Variants in IRF2 observed in about 807,000 individuals in gnomAD.
IRF2 encodes the protein interferon regulatory factor 2.
In IRF2, 15 loss-of-function variants were observed where a neutral mutation model predicts 40.6. The observed-to-expected ratio is 0.37, with a 90% CI of 0.25 to 0.57. The LOEUF is 0.57. Among genes scored for constraint, IRF2 ranks in the 20% least tolerant of loss-of-function variants. The pLI, the probability that IRF2 is intolerant of heterozygous loss-of-function variation, is 0.77. For synonymous variants in IRF2, 151 were observed against 165.5 expected, an observed-to-expected ratio of 0.91 and a Z score of 0.67; for missense variants, 317 against 455.7, an observed-to-expected ratio of 0.70 and a Z score of 2.77.
At chr4:184,449,336 T>A (rs1002071242) in intron 1 of IRF2, among the ~76,000 whole-genome samples, 1 of 152,234 alleles carries the variant, frequency 6.6e-6, no homozygotes, top group Non-Finnish European at 1.5e-5. Flanking sequence ...TACTCATTTT[T>A]CAGATTTGGC....
At chr4:184,393,986 G>A (rs141788661) in intron 7 of IRF2, among the ~76,000 whole-genome samples, 4 of 152,316 alleles carry the variant, frequency 2.6e-5, no homozygotes, top group African/African-American at 4.8e-5. Flanking sequence ...TGTTACTATC[G>A]AACTATCAAC....
At position 184,428,723 on chromosome 4, in the gene IRF2, C is replaced by T. The variant is rs747747486; in HGVS notation, c.87+255G>A. 113 of 527,862 alleles carry T rather than the reference C, an allele frequency of 2.1e-4. 3 individuals are homozygous for T. The highest frequency in any genetic ancestry group is 1.7e-3 in the South Asian group (107 of 63,494). 32.7% of individuals were successfully genotyped at this position (527,862 alleles called of 1,614,324 possible). ...CTGAGGTGGGAGGATCACTTGAACC[C>T]AAGAGGTCGAGGCTGCAGTGAGTTA... On this transcript the variant is annotated intron_variant, in intron 2 of 8. Transcript: ENST00000393593.
chr4:184,460,705 GCA>G (rs1296842334), intron 1 of IRF2, among the ~76,000 whole-genome samples: 6 of 148,876 alleles, frequency 4.0e-5, no homozygotes, highest in East Asian at 4.0e-4. Context: ...ACATGCACAC[GCA>G]CACACACACA....
chr4:184,420,706 T>C (rs1737452888), intron 2 of IRF2, among the ~76,000 whole-genome samples: 1 of 152,212 alleles, frequency 6.6e-6, no homozygotes. Flanking sequence ...CGGCAGGTAC[T>C]AAGGTCCCAT....
chr4:184,396,108 T>C (rs1215996023), intron 7 of IRF2, among the ~76,000 whole-genome samples: 1 of 152,222 alleles, frequency 6.6e-6, no homozygotes, highest in Non-Finnish European at 1.5e-5. Context: ...AAGAAAGTCA[T>C]GGGTTTTTAG....
At chr4:184,428,232 T>A (rs908013832) in intron 2 of IRF2, among the ~76,000 whole-genome samples, 4 of 152,162 alleles carry the variant, frequency 2.6e-5, no homozygotes, top group African/African-American at 4.8e-5. Context: ...AGGCTTTTTT[T>A]AAAGACAAAA....
At chr4:184,395,269 C>T (rs896704778) in intron 7 of IRF2, among the ~76,000 whole-genome samples, 11 of 152,042 alleles carry the variant, frequency 7.2e-5, no homozygotes, top group African/African-American at 1.4e-4. Flanking sequence ...AAAAATTAGC[C>T]GGGCTTGGTT....
intron 4 of IRF2, 49 bp from the exon 5 acceptor site, chr4:184,418,262 G>C: frequency 3.7e-6 from 5 of 1,366,862 alleles, no homozygotes; most frequent in Non-Finnish European, 5.2e-6. Flanking sequence ...AGGGCCTCCA[G>C]AGAAACATTT....
At chr4:184,389,148 G>T in intron 8 of IRF2, 82 bp from the exon 9 acceptor site, 2 of 1,369,730 alleles carry the variant, frequency 1.5e-6, no homozygotes, top group South Asian at 1.2e-5. Flanking sequence ...GGCCAGGTGT[G>T]GTGGCTCATG....
At chr4:184,422,406 C>G (rs1737515153) in intron 2 of IRF2, among the ~76,000 whole-genome samples, 1 of 152,148 alleles carries the variant, frequency 6.6e-6, no homozygotes, top group Non-Finnish European at 1.5e-5. Flanking sequence ...CACAGAATTA[C>G]CTGATGATCC....
At chr4:184,418,363 C>T (rs2288246) in intron 4 of IRF2, 150 bp from the exon 5 acceptor site, 507,106 of 919,590 alleles carry the variant, frequency 0.55, 142,734 homozygotes, top group South Asian at 0.62. Context: ...TTCACTGCCT[C>T]TGGTGAATCG....
At chr4:184,415,561 A>G (rs1057187044) in intron 5 of IRF2, among the ~76,000 whole-genome samples, 4 of 152,228 alleles carry the variant, frequency 2.6e-5, no homozygotes, top group Admixed American at 1.3e-4. Context: ...GAAAGAGGAC[A>G]TGCCTTTCAA....
At chr4:184,424,395 T>C (rs913096858) in intron 2 of IRF2, among the ~76,000 whole-genome samples, 4 of 152,120 alleles carry the variant, frequency 2.6e-5, no homozygotes, top group Non-Finnish European at 4.4e-5. Flanking sequence ...TAATCCCCAA[T>C]GTGGCAGTAC....
At chr4:184,433,256 G>T (rs182885410) in intron 1 of IRF2, among the ~76,000 whole-genome samples, 2 of 152,284 alleles carry the variant, frequency 1.3e-5, no homozygotes, top group East Asian at 3.9e-4. Flanking sequence ...GATTCCAGGC[G>T]ACCGCTGTGG....
intron 2 of IRF2, 101 bp from the exon 3 acceptor site, chr4:184,419,669 A>G (rs894461506): frequency 1.7e-5 from 13 of 768,112 alleles, no homozygotes; most frequent in Non-Finnish European, 2.8e-5. Flanking sequence ...ATTCCCCAGC[A>G]AGCATCGCTG....
chr4:184,467,240 C>T (rs1431786795), intron 1 of IRF2, among the ~76,000 whole-genome samples: 1 of 152,222 alleles, frequency 6.6e-6, no homozygotes, highest in South Asian at 2.1e-4. Context: ...CCTCACCCCT[C>T]CGATCTCTAA....
At chr4:184,437,086 C>T (rs1392637740) in intron 1 of IRF2, among the ~76,000 whole-genome samples, 1 of 152,126 alleles carries the variant, frequency 6.6e-6, no homozygotes, top group East Asian at 1.9e-4. Context: ...GATGGAGTCT[C>T]GCTCTGTCAC....
chr4:184,411,131 C>T (rs1456835660), intron 5 of IRF2, among the ~76,000 whole-genome samples: 1 of 151,384 alleles, frequency 6.6e-6, no homozygotes, highest in African/African-American at 2.4e-5. Flanking sequence ...GATCTTGGCT[C>T]ACTGCAACCT....
intron 1 of IRF2, among the ~76,000 whole-genome samples, chr4:184,446,879 C>T (rs943283814): frequency 6.6e-6 from 1 of 152,104 alleles, no homozygotes; most frequent in Non-Finnish European, 1.5e-5. Flanking sequence ...TTGCTTGAAC[C>T]CAGGAAGTGG....
Sources: allele counts gnomAD v4.1 joint callset (sites outside exome capture counted in the v4.1 genomes callset), GRCh38; gene constraint gnomAD v4.1.1; transcripts MANE v1.5; gene names NCBI Gene and HGNC (gene_info 2026-07-23, HGNC 2026-07-21).